CENPK: variants seen among roughly 807,000 people sequenced by gnomAD.
The protein encoded by CENPK is centromere protein K, also known as SoxLZ/Sox6-binding protein Solt.
A neutral mutation model predicts 40.9 loss-of-function variants in CENPK; 46 were observed. That is an observed-to-expected ratio of 1.13 (90% confidence interval 0.89 to 1.44). The LOEUF (loss-of-function observed/expected upper bound fraction) is 1.44. Ranked by LOEUF, CENPK falls within the 40% of genes most tolerant of loss-of-function variation. The probability of loss-of-function intolerance (pLI) is 0.00; values close to 1 mark genes in which losing one functional copy is unlikely to be tolerated. For missense variants in CENPK, 288 were observed against 303.5 expected (o/e 0.95, Z 0.38); for synonymous variants, 107 against 104.4 (o/e 1.02, Z -0.15).
rs908933545 is a variant in CENPK at position 65,552,424 on chromosome 5, C to T, written c.168+69G>A. The T allele has an allele frequency of 1.7e-5, 16 of 963,216 alleles. No homozygotes were observed. The Admixed American group carries it at 3.2e-4, about 19-fold the overall frequency. 59.7% of individuals were successfully genotyped at this position (963,216 alleles called of 1,614,324 possible). On this transcript the variant is annotated intron_variant, in intron 4 of 10. Transcript: ENST00000396679. ...TAAACTTGAGAAAAATACAGACACA[C>T]ATATTTATTTTCCAAAATACAATTA...
At chr5:65,513,571 TA>T (rs1742657382), downstream of CENPK, among the ~76,000 whole-genome samples, 1 of 152,222 alleles carries the variant, frequency 6.6e-6, no homozygotes, top group East Asian at 1.9e-4. Context: ...GGTGCTAATG[TA>T]AATGTTTTAA....
In CENPK at chr5:65,529,009, C is replaced by CCA; in HGVS notation, c.379_380insTG (p.Arg127LeufsTer10). On this transcript the variant is annotated frameshift_variant, in exon 8 of 11. Transcript: ENST00000396679. LOFTEE classifies it high-confidence loss of function. ...TATCTGTTGCTGTTCATCCAACCAC[C>CCA]GTTGTTCCCTTTCGACATGGAAAAA... 2 of 1,607,358 alleles carry CCA rather than the reference C, an allele frequency of 1.2e-6. No individual in the cohort carries two copies. Among genetic ancestry groups the CCA allele is most frequent in the Non-Finnish European group, 1.7e-6 (2 of 1,175,288 alleles).
At chr5:65,512,029 A>G in the CENPK span, among the ~76,000 whole-genome samples, 3 of 152,214 alleles carry the variant, frequency 2.0e-5, no homozygotes, top group South Asian at 6.2e-4. Flanking sequence ...GTTGGTTCTA[A>G]ACTTCATGGA....
Position 65,528,536 on chromosome 5 carries a change from T to G in CENPK, c.513A>C (p.Glu171Asp), listed in dbSNP as rs753079695. Residue 171 changes from glutamate (E) to aspartate (D), a missense_variant, in exon 9 of 11, where the codon GAA becomes GAC. Coordinates refer to ENST00000396679, the MANE Select transcript of CENPK (RefSeq NM_022145.5). ...AGGTACTCAAGAGTTTCTCCTTATA[T>G]TCTTTTATATTAAGCATTTTAGTTT... ...ELKTKMLNIK[E>D]YKEKLLSTLG... 6.3e-7 allele frequency: 1 copy of G among 1,588,292 alleles called. No homozygotes were observed. The highest frequency in any genetic ancestry group is 1.2e-5 in the South Asian group (1 of 85,100).
At chr5:65,549,754 A>C (rs1749641246) in intron 5 of CENPK, among the ~76,000 whole-genome samples, 1 of 152,196 alleles carries the variant, frequency 6.6e-6, no homozygotes, top group Non-Finnish European at 1.5e-5. Flanking sequence ...GAAAAGAGCT[A>C]GGGCTTTGTT....
At chr5:65,508,806 A>AG in the CENPK span, among the ~76,000 whole-genome samples, 1 of 150,738 alleles carries the variant, frequency 6.6e-6, no homozygotes. Context: ...AAAAAAAAAA[A>AG]GCTAAAACTG....
chr5:65,532,366 T>C (rs996372864), intron 6 of CENPK, among the ~76,000 whole-genome samples: 2 of 152,096 alleles, frequency 1.3e-5, no homozygotes, highest in Non-Finnish European at 2.9e-5. Flanking sequence ...CTATACAAAC[T>C]CTTTTGAAGA....
intron 10 of CENPK, among the ~76,000 whole-genome samples, chr5:65,519,562 A>T (rs917217198): frequency 6.6e-6 from 1 of 152,314 alleles, no homozygotes; most frequent in South Asian, 2.1e-4. Flanking sequence ...CTGAATTGTC[A>T]GGCCAAATTT....
chr5:65,553,603 A>G (rs1228952140), intron 3 of CENPK, among the ~76,000 whole-genome samples: 1 of 152,158 alleles, frequency 6.6e-6, no homozygotes, highest in African/African-American at 2.4e-5. Context: ...CCACTTCTAT[A>G]TTCTCTATTT....
At chr5:65,521,454 C>A (rs369165242) in intron 10 of CENPK, 21 bp downstream of exon 10, 6 of 1,596,492 alleles carry the variant, frequency 3.8e-6, no homozygotes, top group Non-Finnish European at 5.1e-6. Context: ...CAAGACAAAA[C>A]AAACTACACA....
chr5:65,537,285 A>G (rs929376891), intron 6 of CENPK, among the ~76,000 whole-genome samples: 1 of 152,124 alleles, frequency 6.6e-6, no homozygotes, highest in African/African-American at 2.4e-5. Context: ...TTTTAAATAA[A>G]CTTTCTCAGC....
At chr5:65,521,999 T>C (rs953087109) in intron 9 of CENPK, among the ~76,000 whole-genome samples, 1 of 152,200 alleles carries the variant, frequency 6.6e-6, no homozygotes, top group Non-Finnish European at 1.5e-5. Context: ...AAGTAAACGT[T>C]GTATTTAAGT....
chr5:65,508,005 A>G, the CENPK span, among the ~76,000 whole-genome samples: 1 of 152,194 alleles, frequency 6.6e-6, no homozygotes, highest in African/African-American at 2.4e-5. Context: ...CTACAGAAAC[A>G]ATGTTGTGTC....
At chr5:65,496,748 A>G in the CENPK span, among the ~76,000 whole-genome samples, 2 of 152,056 alleles carry the variant, frequency 1.3e-5, no homozygotes, top group African/African-American at 2.4e-5. Context: ...ATTTATGAGT[A>G]TATTTTTACT....
chr5:65,519,263 T>A (rs1247415563), intron 10 of CENPK, among the ~76,000 whole-genome samples: 2 of 152,244 alleles, frequency 1.3e-5, no homozygotes, highest in African/African-American at 4.8e-5. Flanking sequence ...AACAAGGTTC[T>A]GTGATCAAAC....
At chr5:65,531,241 A>AT (rs1745751849) in intron 6 of CENPK, among the ~76,000 whole-genome samples, 1 of 152,136 alleles carries the variant, frequency 6.6e-6, no homozygotes, top group Non-Finnish European at 1.5e-5. Flanking sequence ...ATGGTCTAAC[A>AT]ATGGCATTAA....
chr5:65,501,211 G>A, the CENPK span, among the ~76,000 whole-genome samples: 2 of 106,266 alleles, frequency 1.9e-5, no homozygotes, highest in East Asian at 3.2e-4. Flanking sequence ...ACAGAGTCTC[G>A]CTCTGTCATC....
At chr5:65,497,310 G>A in the CENPK span, among the ~76,000 whole-genome samples, 1 of 151,458 alleles carries the variant, frequency 6.6e-6, no homozygotes, top group South Asian at 2.1e-4. Flanking sequence ...GGAGGTTGCA[G>A]TGAGCCAAGA....
chr5:65,495,863 A>T, the CENPK span, among the ~76,000 whole-genome samples: 1 of 152,230 alleles, frequency 6.6e-6, no homozygotes, highest in Admixed American at 6.5e-5. Context: ...AAAAATACTC[A>T]TTGTTGGCAA....
Sources: gnomAD v4.1 joint callset for allele counts (sites outside exome capture counted in the v4.1 genomes callset) on GRCh38, gnomAD v4.1.1 for gene constraint, MANE v1.5 for transcripts, NCBI Gene and HGNC (gene_info 2026-07-23, HGNC 2026-07-21) for gene names.